ZNF532: variants seen among roughly 807,000 people sequenced by gnomAD.
ZNF532 encodes zinc finger protein 532.
ZNF532 carries 22 observed loss-of-function variants against 89.3 expected under a neutral mutation model. The observed-to-expected ratio is 0.25, with a 90% CI of 0.18 to 0.35. ZNF532 has a LOEUF of 0.35. ZNF532 is among the 10% of genes least tolerant of loss of function. The pLI, the probability that ZNF532 is intolerant of heterozygous loss-of-function variation, is 1.00. For synonymous variants in ZNF532, 606 were observed against 649.6 expected, an observed-to-expected ratio of 0.93 and a Z score of 1.02; for missense variants, 1,132 against 1,643.4, an observed-to-expected ratio of 0.69 and a Z score of 5.38.
Position 58,985,609 on chromosome 18 carries a change from AT to A in ZNF532, c.*1144del, listed in dbSNP as rs1435347394. ...GTTTAGTTCAGCCATTTCAAGAAGT[AT>A]ATTTAACGTCGGTAGTTCTGCTTTA... On this transcript the variant is annotated 3_prime_UTR_variant, in exon 10 of 10. Transcript: ENST00000591808. The A allele has an allele frequency of 6.6e-6, 1 of 152,574 alleles. No homozygotes were observed. Among genetic ancestry groups the A allele is most frequent in the African/African-American group, 2.4e-5 (1 of 41,416 alleles). The allele number at this position is 152,574 out of a possible 1,614,324, so 9.5% of individuals were successfully genotyped here. A position where few individuals can be genotyped will look rare whatever the true frequency, so the allele number is the denominator to read the frequency against.
At chr18:58,897,579 G>T (rs1453527807) in intron 2 of ZNF532, among the ~76,000 whole-genome samples, 1 of 152,192 alleles carries the variant, frequency 6.6e-6, no homozygotes, top group Non-Finnish European at 1.5e-5. Context: ...GAAAAATGAT[G>T]AGTATATTTT....
Position 58,953,570 on chromosome 18 carries a change from A to G in ZNF532, c.2921A>G (p.Asn974Ser). 1 of 1,613,656 alleles carries G rather than the reference A, an allele frequency of 6.2e-7. No individual in the cohort carries two copies. The highest frequency in any genetic ancestry group is 8.5e-7 in the Non-Finnish European group (1 of 1,179,706). ...SIEGPPNLGI[N>S]LPLSIKPATQ... Reference sequence around the variant, plus strand: ...GAAGGGCCTCCAAACTTGGGTATAAACTTGCCTTTGAGCATTAAGCCTGCA... The same window carrying G: ...GAAGGGCCTCCAAACTTGGGTATAAGCTTGCCTTTGAGCATTAAGCCTGCA... Residue 974 changes from asparagine (N) to serine (S), a missense_variant, in exon 7 of 10, where the codon AAC becomes AGC. Asn to Ser is a conservative substitution (Grantham distance 46). This residue lies in a region of ZNF532 where 415 missense variants were observed against 604.8 expected (regional missense o/e 0.69). Coordinates refer to ENST00000591808, the MANE Select transcript of ZNF532 (RefSeq NM_001375912.1).
At chr18:58,936,942 T>C (rs566172209) in intron 4 of ZNF532, among the ~76,000 whole-genome samples, 4 of 152,196 alleles carry the variant, frequency 2.6e-5, no homozygotes, top group African/African-American at 4.8e-5. Context: ...CGCCTTACTT[T>C]GTCTCGTCTT....
At chr18:58,867,593 C>A (rs1004762647) in intron 2 of ZNF532, among the ~76,000 whole-genome samples, 20 of 152,166 alleles carry the variant, frequency 1.3e-4, no homozygotes, top group Non-Finnish European at 2.6e-4. Context: ...CAGGGGGGAC[C>A]CGGTGCCTGC....
rs1303527508 is a variant in ZNF532, at chr18:58,919,789, A to G, written c.1502A>G (p.Gln501Arg). 1 of 1,614,004 alleles carries G rather than the reference A, an allele frequency of 6.2e-7. No individual in the cohort carries two copies. Among genetic ancestry groups the G allele is most frequent in the East Asian group, 2.2e-5 (1 of 44,894 alleles). Reference protein sequence around the residue: ...SAIIKAANAIQQQTVVVPASS... With the variant: ...SAIIKAANAIRQQTVVVPASS... Reference sequence around the variant, plus strand: ...ATCATTAAAGCTGCCAACGCCATCCAGCAGCAAACTGTCGTGGTGCCGGCA... The same window carrying G: ...ATCATTAAAGCTGCCAACGCCATCCGGCAGCAAACTGTCGTGGTGCCGGCA... The change falls in exon 3 of 10, where the codon CAG (glutamine) becomes CGG (arginine). Residue 501 changes from glutamine to arginine, a missense_variant. Physicochemically the swap from Gln to Arg is conservative, Grantham distance 43. Transcript: ENST00000591808. This position sits in a 1 kb window ranked among gnomAD's most constrained non-coding sequence, Gnocchi z 6.1.
chr18:58,882,780 G>A (rs374656797), intron 2 of ZNF532, among the ~76,000 whole-genome samples: 4 of 152,236 alleles, frequency 2.6e-5, no homozygotes, highest in East Asian at 1.9e-4. Flanking sequence ...CCAGCTTTAC[G>A]TTTGTCCCAG....
chr18:58,959,809 C>A (rs1202764279), intron 7 of ZNF532, among the ~76,000 whole-genome samples: 1 of 152,180 alleles, frequency 6.6e-6, no homozygotes, highest in Non-Finnish European at 1.5e-5. Flanking sequence ...GTTTTTCTCT[C>A]TATACTGTAT....
At chr18:58,916,065 A>G (rs1049441663) in intron 2 of ZNF532, among the ~76,000 whole-genome samples, 4 of 152,202 alleles carry the variant, frequency 2.6e-5, no homozygotes, top group African/African-American at 9.6e-5. Context: ...GTCCCTTTCA[A>G]CCCTGGTGGG....
At chr18:58,879,349 T>C (rs1335896514) in intron 2 of ZNF532, among the ~76,000 whole-genome samples, 1 of 152,234 alleles carries the variant, frequency 6.6e-6, no homozygotes, top group Admixed American at 6.5e-5. Context: ...TGCATGTTTA[T>C]TGGGTAAGTG....
chr18:58,957,406 C>CATATATATAT lies in ZNF532; in HGVS notation c.3150+3627_3150+3636dup, dbSNP rs58182199. Among the ~76,000 whole-genome samples, 809 of 138,830 alleles carry CATATATATAT rather than the reference C, an allele frequency of 5.8e-3. 22 individuals carry two copies. In the East Asian group the frequency reaches 0.072, roughly 12 times the overall value. 91.1% of individuals were successfully genotyped at this position (138,830 alleles called of 152,430 possible). ...AGTATCATAATTATGACTTAAAATACATATATATATATATATATATATATA... is the reference window on the plus strand; with the variant it reads ...AGTATCATAATTATGACTTAAAATACATATATATATATATATATATATATATATATATATA... On this transcript the variant is annotated intron_variant, in intron 7 of 9. Coordinates refer to ENST00000591808, the MANE Select transcript of ZNF532 (RefSeq NM_001375912.1).
At chr18:58,975,596 G>T (rs1038409170) in intron 7 of ZNF532, among the ~76,000 whole-genome samples, 1 of 152,170 alleles carries the variant, frequency 6.6e-6, no homozygotes, top group African/African-American at 2.4e-5. Context: ...GGTAGCGCAC[G>T]CCTAGCATAG....
Position 58,919,268 on chromosome 18 carries a change from A to G in ZNF532, c.981A>G (p.Pro327=). 1 of 1,614,088 alleles carries G rather than the reference A, an allele frequency of 6.2e-7. No individual in the cohort carries two copies. Among genetic ancestry groups the G allele is most frequent in the South Asian group, 1.1e-5 (1 of 91,078 alleles). Residue 327 remains proline (P), a synonymous_variant, in exon 3 of 10, where the codon CCA becomes CCG. Transcript: ENST00000591808. This position sits in a 1 kb window ranked among gnomAD's most constrained non-coding sequence, Gnocchi z 6.1. The part of the protein sequence containing the change: ...SQNLIDGTKK[P]SLKQPDSPRS... ...ATCTCATCGACGGGACCAAAAAACCATCCCTGAAGCAACCGGATAGTCCCA... is the reference window on the plus strand; with the variant it reads ...ATCTCATCGACGGGACCAAAAAACCGTCCCTGAAGCAACCGGATAGTCCCA...
chr18:58,944,824 G>T (rs915534527), intron 5 of ZNF532, among the ~76,000 whole-genome samples: 2 of 152,156 alleles, frequency 1.3e-5, no homozygotes, highest in African/African-American at 4.8e-5. Flanking sequence ...ATGCATCTTT[G>T]CATCTTTTTC....
chr18:58,953,216 G>T (rs1208711031), intron 6 of ZNF532: 2 of 219,016 alleles, frequency 9.1e-6, no homozygotes, highest in Non-Finnish European at 9.0e-6. Flanking sequence ...GGATGTTACA[G>T]GAAGATAAAG....
upstream of ZNF532, chr18:58,863,052 A>C (rs143503439): frequency 5.9e-5 from 9 of 152,312 alleles, no homozygotes; most frequent in South Asian, 1.7e-3. Context: ...CTCTCTTCTT[A>C]CTCATTTGCC....
At chr18:58,873,083 C>T (rs145256520) in intron 2 of ZNF532, among the ~76,000 whole-genome samples, 170 of 152,012 alleles carry the variant, frequency 1.1e-3, no homozygotes, top group African/African-American at 3.7e-3. Context: ...TCTTTGCTCA[C>T]TGCAGCCTTA....
At position 58,939,740 on chromosome 18, in the gene ZNF532, A is replaced by C. The variant is rs1012710071; in HGVS notation, c.2705+119A>C. On this transcript the variant is annotated intron_variant, in intron 5 of 9. Coordinates refer to ENST00000591808, the MANE Select transcript of ZNF532 (RefSeq NM_001375912.1). ...ATCTGAAAAATTATGCAGCTATGCC[A>C]ATTTTGATGCTTTATGAAATACAGC... 41 of 896,102 alleles carry C rather than the reference A, an allele frequency of 4.6e-5. 2 individuals carry two copies. In the Middle Eastern group the frequency reaches 7.4e-4, roughly 16 times the overall value. 55.5% of individuals were successfully genotyped at this position (896,102 alleles called of 1,614,324 possible). A position where few individuals can be genotyped will look rare whatever the true frequency, so the allele number is the denominator to read the frequency against.
At chr18:58,898,302 G>T (rs1224842479) in intron 2 of ZNF532, among the ~76,000 whole-genome samples, 1 of 152,104 alleles carries the variant, frequency 6.6e-6, no homozygotes, top group Non-Finnish European at 1.5e-5. Context: ...TATAGAATAG[G>T]AATAATCACC....
intron 2 of ZNF532, among the ~76,000 whole-genome samples, chr18:58,885,779 G>A (rs1375492464): frequency 1.3e-5 from 2 of 151,522 alleles, no homozygotes; most frequent in African/African-American, 2.4e-5. Context: ...ACTGGAACCC[G>A]GGAGGCGGAG....
Sources: allele counts gnomAD v4.1 joint callset (sites outside exome capture counted in the v4.1 genomes callset), GRCh38; gene constraint gnomAD v4.1.1; regional missense constraint gnomAD v4.1.1; non-coding constraint Gnocchi (gnomAD v3.1); transcripts MANE v1.5; gene names NCBI Gene and HGNC (gene_info 2026-07-23, HGNC 2026-07-21).